C14orf39: variants seen among roughly 807,000 people sequenced by gnomAD.
C14orf39 encodes the protein protein SIX6OS1.
Under a neutral mutation model 85.6 loss-of-function variants are expected in C14orf39, and 66 were observed. The ratio of observed to expected loss-of-function variants is 0.77; its 90% CI spans 0.63 to 0.95. The LOEUF (loss-of-function observed/expected upper bound fraction) is 0.95. C14orf39 is among the 40% of genes least tolerant of loss of function. The pLI, the probability that C14orf39 is intolerant of heterozygous loss-of-function variation, is 0.00. For missense variants in C14orf39, 735 were observed against 663.9 expected (o/e 1.11, Z -1.18); for synonymous variants, 242 against 214.0 (o/e 1.13, Z -1.14).
At chr14:60,499,119 G>A (rs527592536) in intron 2 of C14orf39, among the ~76,000 whole-genome samples, 1 of 152,158 alleles carries the variant, frequency 6.6e-6, no homozygotes, top group South Asian at 2.1e-4. Flanking sequence ...AGCTGGGCAT[G>A]GTGGTGGGCG....
chr14:60,469,298 T>C, intron 8 of C14orf39, among the ~76,000 whole-genome samples: 1 of 148,262 alleles, frequency 6.7e-6, no homozygotes, highest in East Asian at 1.9e-4. Context: ...TACCTAAATA[T>C]ATATATTAAA....
intron 13 of C14orf39, among the ~76,000 whole-genome samples, chr14:60,460,988 C>G (rs1891495670): frequency 6.6e-6 from 1 of 151,456 alleles, no homozygotes; most frequent in Non-Finnish European, 1.5e-5. Flanking sequence ...AACCTATTTA[C>G]TGACATAGAG....
chr14:60,514,958 G>T (rs566968224), intron 1 of C14orf39, among the ~76,000 whole-genome samples: 64 of 152,276 alleles, frequency 4.2e-4, no homozygotes, highest in African/African-American at 1.5e-3. Context: ...GCGGCCGGGC[G>T]CTCGGCGGGA....
chr14:60,471,313 A>G (rs1892064941), intron 7 of C14orf39, 104 bp downstream of exon 7: 1 of 954,184 alleles, frequency 1.0e-6, no homozygotes, highest in South Asian at 1.7e-5. Context: ...AATTAAACAC[A>G]AAACAAATCC....
chr14:60,447,284 TG>T (rs1890814268), intron 16 of C14orf39, among the ~76,000 whole-genome samples: 1 of 152,378 alleles, frequency 6.6e-6, no homozygotes, highest in East Asian at 1.9e-4. Flanking sequence ...ATGACATGAT[TG>T]TATATTTAGA....
At chr14:60,495,553 A>C (rs1192183885) in intron 2 of C14orf39, 1 of 237,220 alleles carries the variant, frequency 4.2e-6, no homozygotes, top group Admixed American at 4.0e-5. Context: ...TACAGAGAGT[A>C]CATGGGAATG....
intron 4 of C14orf39, among the ~76,000 whole-genome samples, chr14:60,479,509 T>C (rs754579256): frequency 6.6e-6 from 1 of 152,182 alleles, no homozygotes; most frequent in Non-Finnish European, 1.5e-5. Context: ...AACTATCTCA[T>C]AAACTTGCAC....
intron 13 of C14orf39, among the ~76,000 whole-genome samples, chr14:60,460,409 G>T (rs1891465585): frequency 6.6e-6 from 1 of 151,684 alleles, no homozygotes; most frequent in African/African-American, 2.4e-5. Context: ...TATTGTGTTG[G>T]ATGAATCCTA....
chr14:60,470,598 C>T (rs1046136614), intron 7 of C14orf39, among the ~76,000 whole-genome samples: 1 of 151,866 alleles, frequency 6.6e-6, no homozygotes. Context: ...GCTATACCAG[C>T]GTCTACTAAC....
intron 1 of C14orf39, chr14:60,509,200 C>G: frequency 1.7e-6 from 1 of 601,574 alleles, no homozygotes; most frequent in Admixed American, 2.9e-5. Context: ...AGCCCGAACC[C>G]CAAGCCGCGG....
chr14:60,464,951 C>T (rs1891716811), intron 11 of C14orf39, among the ~76,000 whole-genome samples: 1 of 151,884 alleles, frequency 6.6e-6, no homozygotes, highest in South Asian at 2.1e-4. Context: ...TTAATTTTGC[C>T]TTATCTTTTT....
intron 5 of C14orf39, among the ~76,000 whole-genome samples, chr14:60,477,609 T>TA (rs1892444585): frequency 6.6e-6 from 1 of 152,168 alleles, no homozygotes; most frequent in Non-Finnish European, 1.5e-5. Flanking sequence ...ATCAGCTGTC[T>TA]AAAAAACAGA....
chr14:60,489,904 T>C (rs565612390), upstream of C14orf39, among the ~76,000 whole-genome samples: 1 of 152,328 alleles, frequency 6.6e-6, no homozygotes, highest in East Asian at 1.9e-4. Context: ...CCAATCTGCC[T>C]TCCAATGCCA....
At position 60,509,360 on chromosome 14, in the gene C14orf39, T is replaced by C. The variant is rs762184072; in HGVS notation, c.-144+6035A>G. The C allele has an allele frequency of 1.9e-6, 3 of 1,570,124 alleles. No homozygotes were observed. In the African/African-American group the frequency reaches 4.0e-5, roughly 21 times the overall value. On this transcript the variant is annotated intron_variant, in intron 1 of 5. Coordinates refer to the C14orf39 transcript ENST00000556799. Reference sequence around the variant, plus strand: ...CGCGGGCATCTGCTGCGTGTCCCGCTCCGGGCTCAGTGCCCTCGCCGCCGC... The same window carrying C: ...CGCGGGCATCTGCTGCGTGTCCCGCCCCGGGCTCAGTGCCCTCGCCGCCGC...
intron 10 of C14orf39, 107 bp downstream of exon 10, chr14:60,466,810 A>T: frequency 1.3e-6 from 1 of 786,088 alleles, no homozygotes. Flanking sequence ...ATAGGTCTCC[A>T]GTATTGTTTT....
Position 60,491,665 on chromosome 14 carries a change from C to T in C14orf39, c.-8-6579G>A, listed in dbSNP as rs1892990963. Among the ~76,000 whole-genome samples, 1 of 152,162 alleles carries T rather than the reference C, an allele frequency of 6.6e-6. No individual in the cohort carries two copies. The highest frequency in any genetic ancestry group is 1.5e-5 in the Non-Finnish European group (1 of 68,034). On this transcript the variant is annotated intron_variant, in intron 2 of 5. Transcript: ENST00000556799. This position sits in a 1 kb window ranked among gnomAD's most constrained non-coding sequence, Gnocchi z 4.5. ...ATCTTCCATCCATTTTTCTCTATTT[C>T]AGCTGCCGCCATCTAAATTCATTCT...
Position 60,457,010 on chromosome 14 carries a change from G to C in C14orf39, c.1265C>G (p.Ser422Cys). 1 of 1,610,990 alleles carries C rather than the reference G, an allele frequency of 6.2e-7. No homozygotes were observed. Among genetic ancestry groups the C allele is most frequent in the Non-Finnish European group, 8.5e-7 (1 of 1,178,320 alleles). The change falls in exon 15 of 18, where the codon TCT (serine) becomes TGT (cysteine). Residue 422 changes from serine to cysteine, a missense_variant. By Grantham distance (112) the Ser-to-Cys change is moderately radical. Coordinates refer to ENST00000321731, the MANE Select transcript of C14orf39 (RefSeq NM_174978.3). ...EERAENFPRTSEIPIFLGTPK... is the reference protein window; with the variant it reads ...EERAENFPRTCEIPIFLGTPK... ...AGTTCCTAAAAATATAGGAATTTCAGACGTTCGTGGAAAATTCTCAGCTCT... is the reference window on the plus strand; with the variant it reads ...AGTTCCTAAAAATATAGGAATTTCACACGTTCGTGGAAAATTCTCAGCTCT...
chr14:60,449,435 T>A (rs1263901484), intron 16 of C14orf39, among the ~76,000 whole-genome samples: 1 of 152,198 alleles, frequency 6.6e-6, no homozygotes, highest in African/African-American at 2.4e-5. Context: ...TATCACATTA[T>A]AAAATCTTTG....
intron 2 of C14orf39, among the ~76,000 whole-genome samples, chr14:60,497,499 G>A (rs1171405563): frequency 6.6e-6 from 1 of 152,144 alleles, no homozygotes; most frequent in Non-Finnish European, 1.5e-5. Flanking sequence ...ACAGAATAAA[G>A]TCTAAGAAGT....
Sources: allele counts gnomAD v4.1 joint callset (sites outside exome capture counted in the v4.1 genomes callset), GRCh38; gene constraint gnomAD v4.1.1; non-coding constraint Gnocchi (gnomAD v3.1); transcripts MANE v1.5; gene names NCBI Gene and HGNC (gene_info 2026-07-23, HGNC 2026-07-21).